The following ASB8 variants were observed in gnomAD, a reference collection of about 807,000 sequenced individuals.
ASB8 encodes the protein ankyrin repeat and SOCS box protein 8.
In ASB8, 15 loss-of-function variants were observed where a neutral mutation model predicts 22.9. That is an observed-to-expected ratio of 0.66 (90% CI 0.44 to 1.01). The LOEUF is 1.01. ASB8 is among the 50% of genes least tolerant of loss of function. The probability of loss-of-function intolerance (pLI) is 0.00; values close to 1 mark genes in which losing one functional copy is unlikely to be tolerated. For synonymous variants in ASB8, 124 were observed against 140.8 expected (o/e 0.88, Z 0.84); for missense variants, 294 against 356.9 (o/e 0.82, Z 1.42).
At chr12:48,154,712 T>G (rs1008516334) in intron 1 of ASB8, among the ~76,000 whole-genome samples, 3 of 151,956 alleles carry the variant, frequency 2.0e-5, no homozygotes, top group Admixed American at 2.0e-4. Flanking sequence ...CTGAGGTGGG[T>G]GGATCACCTG....
In ASB8 at chr12:48,153,352, A is replaced by G. The variant is rs759494741; in HGVS notation, c.129+16T>C. The G allele has an allele frequency of 1.7e-5, 28 of 1,613,628 alleles. No individual in the cohort carries two copies. The African/African-American group carries it at 1.9e-4, about 11-fold the overall frequency. On this transcript the variant is annotated intron_variant, in intron 2 of 3. Coordinates refer to ENST00000317697, the MANE Select transcript of ASB8 (RefSeq NM_024095.5). Reference sequence around the variant, plus strand: ...TCATATCGCAAGGACTCTCCTGTCAATACCAGCACACTCACCCCTCTGATG... The same window carrying G: ...TCATATCGCAAGGACTCTCCTGTCAGTACCAGCACACTCACCCCTCTGATG...
At chr12:48,153,591 G>T (rs1021075966) in intron 1 of ASB8, 62 bp from the exon 2 acceptor site, 7 of 1,387,614 alleles carry the variant, frequency 5.0e-6, no homozygotes, top group South Asian at 1.2e-5. Flanking sequence ...TTAGGGTTAG[G>T]TCTTCTCTGA....
intron 2 of ASB8, among the ~76,000 whole-genome samples, chr12:48,152,594 C>T (rs1298801936): frequency 6.6e-6 from 1 of 152,192 alleles, no homozygotes; most frequent in African/African-American, 2.4e-5. Flanking sequence ...TTGATATCCT[C>T]TACAGAGCTA....
Position 48,149,793 on chromosome 12 carries a change from A to G in ASB8, c.440T>C (p.Leu147Pro). 6.2e-7 allele frequency: 1 copy of G among 1,614,088 alleles called. No individual in the cohort carries two copies. Among genetic ancestry groups the G allele is most frequent in the Non-Finnish European group, 8.5e-7 (1 of 1,179,944 alleles). Residue 147 changes from leucine (L) to proline (P), a missense_variant, in exon 4 of 4, where the codon CTG (leucine) becomes CCG (proline). Coordinates refer to ENST00000317697, the MANE Select transcript of ASB8 (RefSeq NM_024095.5). ...LLESGASVNA[L>P]DYNNDTPLSW... Reference sequence around the variant, plus strand: ...GAGCGGTGTATCATTGTTGTAATCCAGGGCATTGACAGAGGCCCCGCTCTC... The same window carrying G: ...GAGCGGTGTATCATTGTTGTAATCCGGGGCATTGACAGAGGCCCCGCTCTC...
chr12:48,154,311 T>C (rs967460619), intron 1 of ASB8, among the ~76,000 whole-genome samples: 4 of 151,464 alleles, frequency 2.6e-5, no homozygotes, highest in African/African-American at 7.3e-5. Flanking sequence ...AAACCCCGTC[T>C]CTACAAAAAA....
chr12:48,153,304 G>C, intron 2 of ASB8, 64 bp downstream of exon 2: 2 of 1,576,386 alleles, frequency 1.3e-6, no homozygotes, highest in South Asian at 2.2e-5. Flanking sequence ...GCAAATCTGT[G>C]ATCCATGAGG....
At chr12:48,151,173 A>G in intron 3 of ASB8, 28 bp downstream of exon 3, 1 of 1,539,652 alleles carries the variant, frequency 6.5e-7, no homozygotes, top group South Asian at 1.1e-5. Context: ...TTAGTGAGTC[A>G]TTAATGTGAA....
Position 48,153,475 on chromosome 12 carries a change from T to A in ASB8, c.22A>T (p.Ile8Phe). 1 of 1,613,934 alleles carries A rather than the reference T, an allele frequency of 6.2e-7. No homozygotes were observed. The highest frequency in any genetic ancestry group is 1.3e-5 in the African/African-American group (1 of 75,050). Residue 8 changes from isoleucine (I) to phenylalanine (F), a missense_variant, in exon 2 of 4, where the codon ATT (isoleucine) becomes TTT (phenylalanine). Transcript: ENST00000317697. The stretch of plus-strand genomic sequence containing the variant: ...TATTTGCTCTGAATGCTCTGCATAA[T>A]ATACCACATACTGGAACTCATCAAG... MSSSMWY[I>F]MQSIQSKYSL...
intron 1 of ASB8, among the ~76,000 whole-genome samples, chr12:48,154,115 C>T (rs951983322): frequency 8.5e-5 from 13 of 152,240 alleles, no homozygotes; most frequent in Admixed American, 8.5e-4. Flanking sequence ...AGGAAGAAGG[C>T]TATGGAGCAA....
chr12:48,156,845 G>C (rs1951312731), intron 1 of ASB8, among the ~76,000 whole-genome samples: 1 of 152,082 alleles, frequency 6.6e-6, no homozygotes, highest in African/African-American at 2.4e-5. Flanking sequence ...AGCTAAATTC[G>C]ATCTCACTAG....
chr12:48,155,983 G>C (rs1951298389), intron 1 of ASB8, among the ~76,000 whole-genome samples: 2 of 151,600 alleles, frequency 1.3e-5, no homozygotes, highest in South Asian at 4.2e-4. Context: ...CACCATGTTG[G>C]CCAAACTGGT....
chr12:48,153,013 AAAAT>A (rs1246641831), intron 2 of ASB8: 1 of 190,204 alleles, frequency 5.3e-6, no homozygotes, highest in Non-Finnish European at 1.1e-5. Context: ...TCAACAAATA[AAAAT>A]AAAAACCACC....
In ASB8 at chr12:48,148,169, C is replaced by G. The variant is rs540918422; in HGVS notation, c.*1197G>C. The G allele has an allele frequency of 1.3e-5, 2 of 152,272 alleles. No homozygotes were observed. The highest frequency in any genetic ancestry group is 4.2e-4 in the South Asian group (2 of 4,812). The allele number at this position is 152,272 out of a possible 1,614,324, so 9.4% of individuals were successfully genotyped here. A position where few individuals can be genotyped will look rare whatever the true frequency, so the allele number is the denominator to read the frequency against. On this transcript the variant is annotated 3_prime_UTR_variant, in exon 4 of 4. Transcript: ENST00000317697. ...CAGAACAACTGAAAGAAAAATAATTCCAAACTAAGCAGAGTGAACTTTCCA... is the reference window on the plus strand; with the variant it reads ...CAGAACAACTGAAAGAAAAATAATTGCAAACTAAGCAGAGTGAACTTTCCA...
At chr12:48,155,684 C>T (rs1295593408) in intron 1 of ASB8, among the ~76,000 whole-genome samples, 3 of 144,482 alleles carry the variant, frequency 2.1e-5, no homozygotes, top group African/African-American at 5.0e-5. Context: ...GAGCTGAGAT[C>T]GCGCCACTGC....
At position 48,149,493 on chromosome 12, in the gene ASB8, G is replaced by A. The variant is rs749021235; in HGVS notation, c.740C>T (p.Pro247Leu). The A allele has an allele frequency of 6.2e-6, 10 of 1,614,198 alleles. No homozygotes were observed. The Middle Eastern group carries it at 9.9e-4, about 160-fold the overall frequency. The change falls in exon 4 of 4, where the codon CCA becomes CTA. Residue 247 changes from proline (P) to leucine (L), a missense_variant. Coordinates refer to ENST00000317697, the MANE Select transcript of ASB8 (RefSeq NM_024095.5). Reference protein sequence around the residue: ...CEKLTVLCSAPGTLKTLARYA... With the variant: ...CEKLTVLCSALGTLKTLARYA... The stretch of plus-strand genomic sequence containing the variant: ...GCGAGCGAGTGTTTTTAGAGTTCCT[G>A]GAGCTGAGCACAGAACAGTCAGTTT...
chr12:48,149,480 T>C lies in ASB8; in HGVS notation c.753A>G (p.Lys251=), dbSNP rs2136074370. ...GGCGCACGGCATAGCGAGCGAGTGT[T>C]TTTAGAGTTCCTGGAGCTGAGCACA... ...TVLCSAPGTL[K]TLARYAVRRS... is the part of the protein sequence containing the mutation. Residue 251 remains lysine, a synonymous_variant, in exon 4 of 4, where the codon AAA becomes AAG. Transcript: ENST00000317697. The C allele has an allele frequency of 1.2e-6, 2 of 1,614,112 alleles. No homozygotes were observed.
chr12:48,151,458 G>T (rs1459096313), intron 2 of ASB8, 153 bp from the exon 3 acceptor site: 4 of 979,096 alleles, frequency 4.1e-6, no homozygotes, highest in Non-Finnish European at 5.9e-6. Context: ...TTAATATTAT[G>T]TCAATGTCCA....
Position 48,149,869 on chromosome 12 carries a change from G to T in ASB8, c.364C>A (p.Leu122Ile). 1 of 1,614,244 alleles carries T rather than the reference G, an allele frequency of 6.2e-7. No individual in the cohort carries two copies. Among genetic ancestry groups the T allele is most frequent in the Non-Finnish European group, 8.5e-7 (1 of 1,180,040 alleles). ...TTGTTCTTAAAGGCTGCCCAGTGAA[G>T]TGGGGTATCTCTGTTGCCATCCAAA... is the stretch of plus-strand genomic sequence containing the variant. ...NALDGNRDTP[L>I]HWAAFKNNAE... Residue 122 changes from leucine to isoleucine, a missense_variant, in exon 4 of 4, where the codon CTT becomes ATT. Transcript: ENST00000317697.
rs1951234760 is a variant in ASB8 at position 48,153,387 on chromosome 12, A to G, written c.110T>C (p.Val37Ala). ...AAIRSFPHDN[V>A]EDLIRGGADV... ...ACTCACCCCTCTGATGAGGTCCTCT[A>G]CATTATCATGTGGGAAGGAACGGAT... is the stretch of plus-strand genomic sequence containing the variant. The change falls in exon 2 of 4, where the codon GTA becomes GCA. Residue 37 changes from valine (V) to alanine (A), a missense_variant. Val to Ala is a moderately conservative substitution (Grantham distance 64, BLOSUM62 0). Coordinates refer to ENST00000317697, the MANE Select transcript of ASB8 (RefSeq NM_024095.5). The G allele has an allele frequency of 6.2e-7, 1 of 1,614,000 alleles. No individual in the cohort carries two copies. The highest frequency in any genetic ancestry group is 1.3e-5 in the African/African-American group (1 of 75,046).
Sources: gnomAD v4.1 joint callset for allele counts (sites outside exome capture counted in the v4.1 genomes callset) on GRCh38, gnomAD v4.1.1 for gene constraint, MANE v1.5 for transcripts, NCBI Gene and HGNC (gene_info 2026-07-23, HGNC 2026-07-21) for gene names.